SORCS1: variants seen among roughly 807,000 people sequenced by gnomAD.
The protein encoded by SORCS1 is VPS10 domain-containing receptor SorCS1.
SORCS1 carries 60 observed loss-of-function variants against 146.1 expected under a neutral mutation model. The observed-to-expected ratio is 0.41, with a 90% CI of 0.33 to 0.51. The LOEUF (loss-of-function observed/expected upper bound fraction) is 0.51. Ranked by LOEUF, SORCS1 falls within the 20% of genes least tolerant of loss-of-function variation. The pLI is 0.21. For missense variants in SORCS1, 1,352 were observed against 1,487.6 expected (o/e 0.91, Z 1.50); for synonymous variants, 637 against 584.0 (o/e 1.09, Z -1.31).
At chr10:106,814,210 G>A (rs1224616396) in intron 3 of SORCS1, among the ~76,000 whole-genome samples, 1 of 152,150 alleles carries the variant, frequency 6.6e-6, no homozygotes, top group Non-Finnish European at 1.5e-5. Flanking sequence ...ATGACAAGCT[G>A]AATTATTTTA....
intron 1 of SORCS1, among the ~76,000 whole-genome samples, chr10:106,969,440 C>T (rs934840810): frequency 3.9e-5 from 6 of 152,096 alleles, no homozygotes; most frequent in Non-Finnish European, 7.3e-5. Context: ...CTGATTTTGT[C>T]CCTGAAGCAG....
intron 2 of SORCS1, among the ~76,000 whole-genome samples, chr10:106,842,018 C>G (rs776537411): frequency 3.9e-5 from 6 of 152,122 alleles, no homozygotes; most frequent in Non-Finnish European, 2.9e-5. Flanking sequence ...CCCAAAGTGA[C>G]TGTATCATTT....
chr10:106,911,492 A>G (rs1004542194), intron 2 of SORCS1, among the ~76,000 whole-genome samples: 8 of 151,624 alleles, frequency 5.3e-5, no homozygotes, highest in Non-Finnish European at 1.0e-4. Flanking sequence ...GCCCTATCCT[A>G]TTTATAGATT....
At chr10:106,736,143 T>C (rs1444004070) in intron 5 of SORCS1, among the ~76,000 whole-genome samples, 3 of 152,226 alleles carry the variant, frequency 2.0e-5, no homozygotes, top group Non-Finnish European at 2.9e-5. Context: ...GTAGACATTT[T>C]CTACAGAGAA....
At chr10:106,806,507 T>TTC (rs1423847459) in intron 3 of SORCS1, among the ~76,000 whole-genome samples, 12,954 of 70,428 alleles carry the variant, frequency 0.18, 3,482 homozygotes, top group Non-Finnish European at 0.24. Context: ...GAGGAAGCCT[T>TTC]TTTTTTTTTT....
intron 1 of SORCS1, among the ~76,000 whole-genome samples, chr10:107,127,285 T>C (rs879262316): frequency 7.2e-5 from 11 of 152,078 alleles, no homozygotes; most frequent in Admixed American, 7.2e-4. Flanking sequence ...AACCAATGAA[T>C]GCACTTCTGC....
intron 3 of SORCS1, among the ~76,000 whole-genome samples, chr10:106,820,659 A>G (rs1389911779): frequency 6.6e-6 from 1 of 152,232 alleles, no homozygotes; most frequent in East Asian, 1.9e-4. Flanking sequence ...CATTGGAGTG[A>G]AACATCTCCA....
Position 107,033,987 on chromosome 10 carries a change from A to G in SORCS1, c.559-77407T>C, listed in dbSNP as rs778726622. Among the ~76,000 whole-genome samples the G allele has an allele frequency of 4.6e-5, 7 of 152,346 alleles. No homozygotes were observed. The South Asian group carries it at 6.2e-4, about 14-fold the overall frequency. On this transcript the variant is annotated intron_variant, in intron 1 of 25. Transcript: ENST00000263054. ...CCTGATGCTCTGGGAGAAGTGAGAT[A>G]CAATTATAAGCCAGCTAATCCCCTA...
intron 1 of SORCS1, among the ~76,000 whole-genome samples, chr10:107,147,737 T>A (rs969317711): frequency 6.6e-6 from 1 of 152,192 alleles, no homozygotes; most frequent in Admixed American, 6.5e-5. Context: ...CTGAAAAATA[T>A]GCTTATTGCA....
chr10:106,818,213 A>C (rs549212809), intron 3 of SORCS1, among the ~76,000 whole-genome samples: 2 of 152,346 alleles, frequency 1.3e-5, no homozygotes, highest in Non-Finnish European at 2.9e-5. Context: ...GAATATATCA[A>C]ATCTATAATG....
chr10:106,827,609 C>T (rs749916877), intron 3 of SORCS1, among the ~76,000 whole-genome samples: 2 of 151,990 alleles, frequency 1.3e-5, no homozygotes, highest in South Asian at 2.1e-4. Context: ...TTGTAAAAAT[C>T]GATACAAAGC....
intron 2 of SORCS1, among the ~76,000 whole-genome samples, chr10:106,832,776 A>G (rs1190955869): frequency 6.6e-6 from 1 of 152,200 alleles, no homozygotes; most frequent in Non-Finnish European, 1.5e-5. Flanking sequence ...GTAAGACTAC[A>G]TGAGAGACAA....
chr10:106,654,807 T>C lies in SORCS1; in HGVS notation c.2304-2254A>G, dbSNP rs115216652. Among the ~76,000 whole-genome samples, 911 of 152,314 alleles carry C rather than the reference T, an allele frequency of 6.0e-3. 10 individuals are homozygous for C. The highest frequency in any genetic ancestry group is 0.021 in the African/African-American group (865 of 41,576). Reference sequence around the variant, plus strand: ...CCAGACATAAGATAACTGCCCATGCTGGTTGGTCATTGTTATGCCTAAGCA... The same window carrying C: ...CCAGACATAAGATAACTGCCCATGCCGGTTGGTCATTGTTATGCCTAAGCA... On this transcript the variant is annotated intron_variant, in intron 17 of 25. Transcript: ENST00000263054.
At chr10:106,976,291 G>A (rs188479850) in intron 1 of SORCS1, among the ~76,000 whole-genome samples, 267 of 150,014 alleles carry the variant, frequency 1.8e-3, no homozygotes, top group Non-Finnish European at 2.6e-3. Context: ...TATGTGCCAT[G>A]GTGGTTTGCT....
At chr10:106,962,355 T>G (rs530753139) in intron 1 of SORCS1, among the ~76,000 whole-genome samples, 1 of 127,328 alleles carries the variant, frequency 7.9e-6, no homozygotes, top group Admixed American at 1.0e-4. Context: ...AATCGCAAAA[T>G]TGCACTCCAG....
At chr10:106,899,591 C>CTTTTT (rs35476429) in intron 2 of SORCS1, among the ~76,000 whole-genome samples, 12 of 97,520 alleles carry the variant, frequency 1.2e-4, no homozygotes, top group Non-Finnish European at 1.6e-4. Flanking sequence ...GCCACCAGGG[C>CTTTTT]TTTTTTTTTT....
chr10:106,652,756 G>T (rs1435721346), intron 17 of SORCS1, among the ~76,000 whole-genome samples: 2 of 152,128 alleles, frequency 1.3e-5, no homozygotes, highest in African/African-American at 2.4e-5. Context: ...TCTATTACTA[G>T]CATTGTAACT....
chr10:106,622,755 C>T (rs983829673), intron 19 of SORCS1, among the ~76,000 whole-genome samples: 4 of 152,190 alleles, frequency 2.6e-5, no homozygotes, highest in African/African-American at 7.2e-5. Context: ...ATGAAGTAGG[C>T]ACTAATATCC....
chr10:106,839,674 G>A (rs1394520764), intron 2 of SORCS1, among the ~76,000 whole-genome samples: 2 of 152,230 alleles, frequency 1.3e-5, no homozygotes, highest in African/African-American at 2.4e-5. Flanking sequence ...GATTCCATTA[G>A]AATTTCAAAG....
Sources: gnomAD v4.1 joint callset for allele counts (sites outside exome capture counted in the v4.1 genomes callset) on GRCh38, gnomAD v4.1.1 for gene constraint, MANE v1.5 for transcripts, NCBI Gene and HGNC (gene_info 2026-07-23, HGNC 2026-07-21) for gene names.